The following ARHGAP22 variants were observed in gnomAD, a reference collection of about 807,000 sequenced individuals.
ARHGAP22 encodes rho GTPase-activating protein 22.
In ARHGAP22, 48 loss-of-function variants were observed where a neutral mutation model predicts 59.1. The ratio of observed to expected loss-of-function variants is 0.81; its 90% CI spans 0.64 to 1.03. ARHGAP22 has a LOEUF of 1.03. Ranked by LOEUF, ARHGAP22 falls within the 50% of genes least tolerant of loss-of-function variation. ARHGAP22 has a pLI of 0.00. For missense variants in ARHGAP22, 1,015 were observed against 958.7 expected, an observed-to-expected ratio of 1.06 and a Z score of -0.78; for synonymous variants, 445 against 416.4, an observed-to-expected ratio of 1.07 and a Z score of -0.84.
chr10:48,565,155 G>T (rs375560284), intron 2 of ARHGAP22, among the ~76,000 whole-genome samples: 2 of 101,544 alleles, frequency 2.0e-5, no homozygotes, highest in African/African-American at 9.2e-5. Context: ...AGACAGATCT[G>T]GTTTTAATCC....
chr10:48,605,114 C>A (rs893297689), upstream of ARHGAP22: 4 of 1,213,144 alleles, frequency 3.3e-6, no homozygotes, highest in Admixed American at 3.9e-5. Flanking sequence ...CCTGGGCGCA[C>A]GCGTGGCTGT....
At chr10:48,638,856 G>C (rs964001162) in intron 1 of ARHGAP22, among the ~76,000 whole-genome samples, 26 of 151,856 alleles carry the variant, frequency 1.7e-4, no homozygotes, top group African/African-American at 6.3e-4. Flanking sequence ...TGGGAAACTT[G>C]AAAAAAAGAA....
Position 48,559,233 on chromosome 10 carries a change from C to T in ARHGAP22, c.235-3683G>A, listed in dbSNP as rs1028034634. 4.6e-5 allele frequency among the ~76,000 whole-genome samples: 7 copies of T among 152,306 alleles called. No individual in the cohort carries two copies. In the East Asian group the frequency reaches 7.7e-4, roughly 17 times the overall value. Reference sequence around the variant, plus strand: ...TGCACCTAGAACGGCAGTTTGCAGACGGGCACCTAGGTACAGAAAGAGTGT... The same window carrying T: ...TGCACCTAGAACGGCAGTTTGCAGATGGGCACCTAGGTACAGAAAGAGTGT... On this transcript the variant is annotated intron_variant, in intron 2 of 9. Transcript: ENST00000249601.
At chr10:48,454,349 A>G (rs567300610) in intron 6 of ARHGAP22, among the ~76,000 whole-genome samples, 188 bp from the exon 7 acceptor site, 1 of 152,282 alleles carries the variant, frequency 6.6e-6, no homozygotes, top group Admixed American at 6.5e-5. Context: ...ACCTCCTGGG[A>G]AGCTAACTTG....
At chr10:48,540,887 G>A (rs571865500) in intron 3 of ARHGAP22, among the ~76,000 whole-genome samples, 2 of 152,018 alleles carry the variant, frequency 1.3e-5, no homozygotes, top group South Asian at 2.1e-4. Flanking sequence ...ACTCAACCCC[G>A]GACTAGGAGT....
intron 3 of ARHGAP22, among the ~76,000 whole-genome samples, chr10:48,510,070 C>G (rs558237764): frequency 1.3e-5 from 2 of 152,280 alleles, no homozygotes; most frequent in East Asian, 3.9e-4. Flanking sequence ...AGTTTTTTAC[C>G]TCTTGGAGCC....
intron 3 of ARHGAP22, among the ~76,000 whole-genome samples, chr10:48,525,819 G>A (rs1012851527): frequency 6.6e-6 from 1 of 152,210 alleles, no homozygotes; most frequent in Non-Finnish European, 1.5e-5. Context: ...GGTTCCCTTT[G>A]GGGAGATGGT....
upstream of ARHGAP22, among the ~76,000 whole-genome samples, chr10:48,606,132 T>C (rs1446368619): frequency 6.6e-6 from 1 of 152,112 alleles, no homozygotes; most frequent in African/African-American, 2.4e-5. Context: ...TAAAGAGGGA[T>C]TTGAACAATG....
chr10:48,607,715 G>T (rs1205823131), upstream of ARHGAP22, among the ~76,000 whole-genome samples: 1 of 152,232 alleles, frequency 6.6e-6, no homozygotes, highest in East Asian at 1.9e-4. Flanking sequence ...TAGCAGCGGA[G>T]ACAGATGCCT....
intron 3 of ARHGAP22, among the ~76,000 whole-genome samples, chr10:48,542,616 G>A (rs1194638105): frequency 6.6e-6 from 1 of 152,194 alleles, no homozygotes; most frequent in Non-Finnish European, 1.5e-5. Context: ...TTCCCCTCAT[G>A]CCCAGTGGAG....
At chr10:48,566,933 A>C (rs2058080242) in intron 2 of ARHGAP22, among the ~76,000 whole-genome samples, 2 of 152,174 alleles carry the variant, frequency 1.3e-5, no homozygotes, top group Non-Finnish European at 2.9e-5. Flanking sequence ...GTCATGAATG[A>C]GCCCAGGGCC....
chr10:48,453,494 G>A, intron 7 of ARHGAP22, 69 bp from the exon 8 acceptor site: 1 of 1,600,922 alleles, frequency 6.2e-7, no homozygotes, highest in South Asian at 1.1e-5. Context: ...TGTGCGGCCT[G>A]GACGCACCGC....
At chr10:48,477,842 T>C (rs1048269529) in intron 4 of ARHGAP22, among the ~76,000 whole-genome samples, 6 of 152,236 alleles carry the variant, frequency 3.9e-5, no homozygotes, top group African/African-American at 1.4e-4. Context: ...TTTTGCCTCA[T>C]TCATTTGTAG....
chr10:48,431,202 A>G, the ARHGAP22 span: 5 of 1,604,540 alleles, frequency 3.1e-6, no homozygotes, highest in South Asian at 1.1e-5. Context: ...GAATTGATAT[A>G]TAAGGAAGTT....
chr10:48,453,220 G>A (rs2046156555), intron 8 of ARHGAP22, 84 bp downstream of exon 8: 3 of 1,590,930 alleles, frequency 1.9e-6, no homozygotes, highest in African/African-American at 2.7e-5. Context: ...CCCTGGGCTG[G>A]GATGGTTCCA....
chr10:48,538,826 AG>A (rs1463003608), intron 3 of ARHGAP22, among the ~76,000 whole-genome samples: 1 of 152,218 alleles, frequency 6.6e-6, no homozygotes, highest in African/African-American at 2.4e-5. Flanking sequence ...AATTTGCTCC[AG>A]GTGACACACT....
rs567447217 is a variant in ARHGAP22, at chr10:48,549,011, G to A, written c.322+6452C>T. ...TGTCAGAGTCCCAGGGGCCTTGCCT[G>A]TTAGATGGGTTAGTAGAGGTTAGTC... On this transcript the variant is annotated intron_variant, in intron 3 of 9. Coordinates refer to ENST00000249601, the MANE Select transcript of ARHGAP22 (RefSeq NM_021226.4). Among the ~76,000 whole-genome samples, 77 of 152,336 alleles carry A rather than the reference G, an allele frequency of 5.1e-4. 1 individual carries two copies. The highest frequency in any genetic ancestry group is 1.8e-3 in the African/African-American group (73 of 41,568).
intron 3 of ARHGAP22, among the ~76,000 whole-genome samples, chr10:48,481,312 G>C (rs1791893303): frequency 6.6e-6 from 1 of 152,196 alleles, no homozygotes; most frequent in African/African-American, 2.4e-5. Flanking sequence ...ACGAAGGCTG[G>C]AATGGCTGAG....
intron 1 of ARHGAP22, among the ~76,000 whole-genome samples, chr10:48,593,036 C>G (rs571400879): frequency 6.6e-6 from 1 of 152,246 alleles, no homozygotes; most frequent in Non-Finnish European, 1.5e-5. Context: ...CCTCTCTTGT[C>G]CTGGCCGCAC....
Sources: allele counts gnomAD v4.1 joint callset (sites outside exome capture counted in the v4.1 genomes callset), GRCh38; gene constraint gnomAD v4.1.1; transcripts MANE v1.5; gene names NCBI Gene and HGNC (gene_info 2026-07-23, HGNC 2026-07-21).